The following GPD2 variants were observed in gnomAD, a reference collection of about 807,000 sequenced individuals.
GPD2 encodes the protein glycerol-3-phosphate dehydrogenase 2.
In GPD2, 54 loss-of-function variants were observed where a neutral mutation model predicts 82.4. The observed-to-expected ratio is 0.66, with a 90% CI of 0.53 to 0.82. GPD2 has a LOEUF of 0.82. Ranked by LOEUF, GPD2 falls within the 40% of genes least tolerant of loss-of-function variation. The pLI is 0.00. For synonymous variants in GPD2, 288 were observed against 306.1 expected (o/e 0.94, Z 0.62); for missense variants, 748 against 896.2 (o/e 0.83, Z 2.11).
At chr2:156,445,558 C>T (rs1301756579) in intron 1 of GPD2, among the ~76,000 whole-genome samples, 2 of 152,174 alleles carry the variant, frequency 1.3e-5, no homozygotes, top group Non-Finnish European at 2.9e-5. Flanking sequence ...TAGGAATCCA[C>T]GAAGTTGTTA....
intron 6 of GPD2, among the ~76,000 whole-genome samples, chr2:156,527,318 G>T (rs1685646491): frequency 1.3e-5 from 2 of 151,732 alleles, no homozygotes; most frequent in East Asian, 1.9e-4. Context: ...TAACACCTTG[G>T]TGTAGATTAT....
At chr2:156,475,591 A>T (rs1683481988) in intron 1 of GPD2, among the ~76,000 whole-genome samples, 1 of 152,198 alleles carries the variant, frequency 6.6e-6, no homozygotes, top group African/African-American at 2.4e-5. Flanking sequence ...TGAAAACTTC[A>T]TTAGAAAGGG....
upstream of GPD2, chr2:156,435,406 A>C (rs556869039): frequency 6.6e-6 from 1 of 151,028 alleles, no homozygotes. Context: ...AGGAGTTCCA[A>C]CAAGTAAGCT....
At chr2:156,482,639 C>T (rs985945173) in intron 2 of GPD2, among the ~76,000 whole-genome samples, 3 of 152,084 alleles carry the variant, frequency 2.0e-5, no homozygotes. Context: ...TTTCTTCTTT[C>T]CCAAAGTCAG....
At chr2:156,526,433 T>G (rs1394689709) in intron 6 of GPD2, among the ~76,000 whole-genome samples, 1 of 152,156 alleles carries the variant, frequency 6.6e-6, no homozygotes, top group Non-Finnish European at 1.5e-5. Context: ...TTGCATTGAA[T>G]GCTAATATGC....
intron 6 of GPD2, among the ~76,000 whole-genome samples, chr2:156,546,861 A>G (rs751168140): frequency 1.3e-5 from 2 of 152,156 alleles, no homozygotes; most frequent in Non-Finnish European, 2.9e-5. Flanking sequence ...GAAGTCTGAA[A>G]TTTCTTTAAC....
chr2:156,507,344 TAGGGTCTCATTCTGTCATTC>T (rs1684824532), intron 3 of GPD2, among the ~76,000 whole-genome samples: 1 of 148,580 alleles, frequency 6.7e-6, no homozygotes, highest in Non-Finnish European at 1.5e-5. Flanking sequence ...TTTTTTGAGA[TAGGGTCTCATTCTGTCATTC>T]AGGCTGAAGT....
chr2:156,496,231 TTTTA>T lies in GPD2; in HGVS notation c.274+20_274+23del, dbSNP rs1558928038. Reference sequence around the variant, plus strand: ...GTCACCAGAGGTAAGTCTTTTTTTTTTTTATTTTAATTTTAAGTTCTGGGGTACA... The same window carrying T: ...GTCACCAGAGGTAAGTCTTTTTTTTTTTTTAATTTTAAGTTCTGGGGTACA... On this transcript the variant is annotated intron_variant, in intron 3 of 16. Coordinates refer to ENST00000438166, the MANE Select transcript of GPD2 (RefSeq NM_000408.5). The T allele has an allele frequency of 8.3e-6, 13 of 1,572,462 alleles. No homozygotes were observed. Among genetic ancestry groups the T allele is most frequent in the Non-Finnish European group, 1.1e-5 (13 of 1,144,434 alleles).
chr2:156,401,113 T>C, the GPD2 span, among the ~76,000 whole-genome samples: 4 of 152,188 alleles, frequency 2.6e-5, no homozygotes, highest in Non-Finnish European at 4.4e-5. Context: ...CTCCTGTGTA[T>C]GATACCCACA....
At chr2:156,573,545 A>G (rs1350681882) in intron 13 of GPD2, among the ~76,000 whole-genome samples, 1 of 152,134 alleles carries the variant, frequency 6.6e-6, no homozygotes, top group East Asian at 1.9e-4. Context: ...GCAGGAACAT[A>G]TTTTATGCTA....
chr2:156,537,220 G>A (rs1263030666), intron 6 of GPD2, among the ~76,000 whole-genome samples: 3 of 152,278 alleles, frequency 2.0e-5, no homozygotes, highest in East Asian at 1.9e-4. Context: ...TAATGCCAGG[G>A]GCTGCCAGGA....
chr2:156,439,021 A>T (rs1446748660), intron 1 of GPD2, among the ~76,000 whole-genome samples: 1 of 152,244 alleles, frequency 6.6e-6, no homozygotes. Flanking sequence ...AGAGAGACTT[A>T]ACATGTCCTG....
chr2:156,538,990 C>G (rs890186023), intron 6 of GPD2, among the ~76,000 whole-genome samples: 1 of 152,020 alleles, frequency 6.6e-6, no homozygotes, highest in African/African-American at 2.4e-5. Flanking sequence ...TAAATTCTGA[C>G]TTTTTCATTT....
chr2:156,427,722 A>G, the GPD2 span, among the ~76,000 whole-genome samples: 2 of 152,240 alleles, frequency 1.3e-5, no homozygotes, highest in African/African-American at 2.4e-5. Context: ...AAATTGCCAC[A>G]AACTTGGTTG....
At chr2:156,524,928 AT>A (rs1685548931) in intron 6 of GPD2, among the ~76,000 whole-genome samples, 1 of 152,138 alleles carries the variant, frequency 6.6e-6, no homozygotes, top group African/African-American at 2.4e-5. Flanking sequence ...TAATTACAGC[AT>A]TTCATTAGAG....
intron 1 of GPD2, among the ~76,000 whole-genome samples, chr2:156,462,354 C>T (rs150268766): frequency 0.02 from 2,997 of 151,788 alleles, 91 homozygotes; most frequent in African/African-American, 0.067. Context: ...GGCGTGATCT[C>T]GGCTCACTGC....
chr2:156,451,204 C>A (rs866011010), intron 1 of GPD2, among the ~76,000 whole-genome samples: 1 of 152,068 alleles, frequency 6.6e-6, no homozygotes, highest in African/African-American at 2.4e-5. Context: ...GGGTGGTGGC[C>A]GGGCAGAGGG....
chr2:156,584,283 T>C lies in GPD2; in HGVS notation c.*1365T>C, dbSNP rs530849724. ...AGTTAACTACTTACTTTTTTGTTGT[T>C]GTTTTTTTAACATCAGGTTCTGTAT... On this transcript the variant is annotated 3_prime_UTR_variant, in exon 17 of 17. Coordinates refer to ENST00000438166, the MANE Select transcript of GPD2 (RefSeq NM_000408.5). 1.3e-5 allele frequency: 2 copies of C among 152,218 alleles called. No homozygotes were observed. The highest frequency in any genetic ancestry group is 4.8e-5 in the African/African-American group (2 of 41,564). The allele number at this position is 152,218 out of a possible 1,614,324, so 9.4% of individuals were successfully genotyped here.
At chr2:156,531,730 A>G (rs943753115) in intron 6 of GPD2, among the ~76,000 whole-genome samples, 2 of 152,186 alleles carry the variant, frequency 1.3e-5, no homozygotes, top group Admixed American at 6.5e-5. Context: ...TGCCCTTCTC[A>G]GTCCCAGAAT....
Sources: allele counts gnomAD v4.1 joint callset (sites outside exome capture counted in the v4.1 genomes callset), GRCh38; gene constraint gnomAD v4.1.1; transcripts MANE v1.5; gene names NCBI Gene and HGNC (gene_info 2026-07-23, HGNC 2026-07-21).